Variants in PPM1H observed in about 807,000 individuals in gnomAD.
The protein encoded by PPM1H is protein phosphatase, Mg2+/Mn2+ dependent 1H, also known as protein phosphatase 1H.
In PPM1H, 27 loss-of-function variants were observed where a neutral mutation model predicts 54.9. That is an observed-to-expected ratio of 0.49 (90% CI 0.36 to 0.68). PPM1H has a LOEUF of 0.68. Among genes scored for constraint, PPM1H ranks in the 30% least tolerant of loss-of-function variants. PPM1H has a pLI of 0.00. For missense variants in PPM1H, 596 were observed against 667.8 expected (o/e 0.89, Z 1.19); for synonymous variants, 305 against 270.8 (o/e 1.13, Z -1.24).
chr12:62,764,113 T>C (rs2076527407), intron 4 of PPM1H, among the ~76,000 whole-genome samples: 1 of 152,132 alleles, frequency 6.6e-6, no homozygotes, highest in South Asian at 2.1e-4. Flanking sequence ...ATACTGAAAA[T>C]GTTGAACTCT....
chr12:62,791,328 G>C (rs2076700031), intron 3 of PPM1H, among the ~76,000 whole-genome samples: 1 of 152,126 alleles, frequency 6.6e-6, no homozygotes, highest in Non-Finnish European at 1.5e-5. Context: ...CAAGCAAATA[G>C]AAGAGAGGAG....
Position 62,844,377 on chromosome 12 carries a change from G to A in PPM1H, c.246-12098C>T, listed in dbSNP as rs145817107. 1.8e-4 allele frequency among the ~76,000 whole-genome samples: 28 copies of A among 152,098 alleles called. No individual in the cohort carries two copies. Among genetic ancestry groups the A allele is most frequent in the Middle Eastern group, 3.2e-3 (1 of 316 alleles). On this transcript the variant is annotated intron_variant, in intron 1 of 9. Transcript: ENST00000228705. This position sits in a 1 kb window ranked among gnomAD's most constrained non-coding sequence, Gnocchi z 5.2. ...AAATAATGTTCTGAGGGGCAAGGGG[G>A]GCGTCTTATCTCTGATGCTGCTTCT...
intron 2 of PPM1H, among the ~76,000 whole-genome samples, chr12:62,821,730 C>G (rs951201310): frequency 6.6e-6 from 1 of 152,166 alleles, no homozygotes; most frequent in African/African-American, 2.4e-5. Context: ...TTGTTACCAC[C>G]AGGCCTGCCT....
At chr12:62,795,762 C>T (rs535509695) in intron 3 of PPM1H, among the ~76,000 whole-genome samples, 7 of 151,684 alleles carry the variant, frequency 4.6e-5, no homozygotes, top group South Asian at 4.2e-4. Context: ...AGTCTCGCTC[C>T]GTTGCCCAGG....
chr12:62,757,317 G>A (rs1262448857), intron 4 of PPM1H, among the ~76,000 whole-genome samples: 1 of 152,052 alleles, frequency 6.6e-6, no homozygotes. Flanking sequence ...TGCCAAAAGT[G>A]GAAACTCAGC....
intron 9 of PPM1H, among the ~76,000 whole-genome samples, chr12:62,652,474 C>A (rs184787052): frequency 2.0e-4 from 31 of 152,248 alleles, no homozygotes; most frequent in Middle Eastern, 3.4e-3. Context: ...TTGTTTATTG[C>A]AAAAACTGGT....
intron 1 of PPM1H, among the ~76,000 whole-genome samples, chr12:62,918,891 T>A (rs1871705045): frequency 6.6e-6 from 1 of 152,216 alleles, no homozygotes. Context: ...ACACAAATTA[T>A]CAATCGAAGC....
intron 9 of PPM1H, among the ~76,000 whole-genome samples, chr12:62,663,428 C>A (rs923611629): frequency 6.6e-6 from 1 of 152,212 alleles, no homozygotes; most frequent in African/African-American, 2.4e-5. Flanking sequence ...TTCAGGTGAT[C>A]CTCCTGCTTC....
chr12:62,747,142 T>C (rs1370571809), intron 4 of PPM1H, among the ~76,000 whole-genome samples: 4 of 16,528 alleles, frequency 2.4e-4, no homozygotes, highest in African/African-American at 2.3e-3. Context: ...GTTTTTTTTC[T>C]TTTTTTTTTT....
At position 62,648,203 on chromosome 12, in the gene PPM1H, C is replaced by T. The variant is rs1416970289; in HGVS notation, c.*286G>A. On this transcript the variant is annotated 3_prime_UTR_variant, in exon 10 of 10. Coordinates refer to ENST00000228705, the MANE Select transcript of PPM1H (RefSeq NM_020700.2). Reference sequence around the variant, plus strand: ...AGATAAAATAAATATGACATATATACCCCAAATAGTCAATGGCCACCTCGG... The same window carrying T: ...AGATAAAATAAATATGACATATATATCCCAAATAGTCAATGGCCACCTCGG... The T allele has an allele frequency of 3.1e-6, 1 of 325,902 alleles. No individual in the cohort carries two copies. Among genetic ancestry groups the T allele is most frequent in the Non-Finnish European group, 5.9e-6 (1 of 170,478 alleles). 20.2% of individuals were successfully genotyped at this position (325,902 alleles called of 1,614,324 possible). A position where few individuals can be genotyped will look rare whatever the true frequency, so the allele number is the denominator to read the frequency against.
intron 5 of PPM1H, among the ~76,000 whole-genome samples, chr12:62,723,827 A>G (rs1022714847): frequency 1.3e-5 from 2 of 152,332 alleles, no homozygotes; most frequent in South Asian, 2.1e-4. Flanking sequence ...CACATTTCTT[A>G]ACAAACCCCA....
chr12:62,665,635 TA>T (rs2075913702), intron 9 of PPM1H, among the ~76,000 whole-genome samples: 2 of 152,242 alleles, frequency 1.3e-5, no homozygotes, highest in Non-Finnish European at 2.9e-5. Context: ...AGTGAATTTT[TA>T]ATTCCTATTT....
chr12:62,881,551 T>C (rs1391793773), intron 1 of PPM1H, among the ~76,000 whole-genome samples: 2 of 152,194 alleles, frequency 1.3e-5, no homozygotes, highest in East Asian at 3.9e-4. Context: ...GGATTCCAAA[T>C]TGCCTAGCCA....
In PPM1H at chr12:62,802,017, G is replaced by A. The variant is rs370968549; in HGVS notation, c.555C>T (p.Ala185=). The A allele has an allele frequency of 2.5e-5, 40 of 1,613,370 alleles. No homozygotes were observed. The South Asian group carries it at 3.6e-4, about 15-fold the overall frequency. ...CCCCCAGGCAGGTAGGGGGCAGGACGGCGGAGTTCTTCAGGATGTCCACGA... is the reference window on the plus strand; with the variant it reads ...CCCCCAGGCAGGTAGGGGGCAGGACAGCGGAGTTCTTCAGGATGTCCACGA... The part of the protein sequence containing the change: ...QDIVDILKNS[A]VLPPTCLGEE... The change falls in exon 3 of 10, where the codon GCC becomes GCT. Residue 185 remains alanine, a synonymous_variant. Coordinates refer to ENST00000228705, the MANE Select transcript of PPM1H (RefSeq NM_020700.2).
intron 4 of PPM1H, among the ~76,000 whole-genome samples, chr12:62,778,859 A>G (rs1351431390): frequency 1.3e-5 from 2 of 152,012 alleles, no homozygotes; most frequent in Non-Finnish European, 2.9e-5. Flanking sequence ...TGAGCCAAGG[A>G]GTTTGAGGCT....
At chr12:62,792,465 T>C (rs1201693664) in intron 3 of PPM1H, among the ~76,000 whole-genome samples, 1 of 152,254 alleles carries the variant, frequency 6.6e-6, no homozygotes, top group East Asian at 1.9e-4. Context: ...CAAGAAACTT[T>C]GCTAACATGT....
chr12:62,716,667 T>C (rs111359141), intron 6 of PPM1H, among the ~76,000 whole-genome samples: 2 of 152,144 alleles, frequency 1.3e-5, no homozygotes, highest in African/African-American at 2.4e-5. Flanking sequence ...GCTGAGACCA[T>C]AGGCATATGC....
At chr12:62,708,979 G>A (rs978474586) in intron 6 of PPM1H, among the ~76,000 whole-genome samples, 1 of 151,942 alleles carries the variant, frequency 6.6e-6, no homozygotes, top group African/African-American at 2.4e-5. Flanking sequence ...CTTAAGGTGT[G>A]GAGCTCTTAA....
intron 1 of PPM1H, among the ~76,000 whole-genome samples, chr12:62,848,357 G>A (rs1869052370): frequency 6.6e-6 from 1 of 152,164 alleles, no homozygotes; most frequent in Admixed American, 6.5e-5. Context: ...ATCACCGTTA[G>A]ATTCAGGCTT....
Sources: allele counts gnomAD v4.1 joint callset (sites outside exome capture counted in the v4.1 genomes callset), GRCh38; gene constraint gnomAD v4.1.1; non-coding constraint Gnocchi (gnomAD v3.1); transcripts MANE v1.5; gene names NCBI Gene and HGNC (gene_info 2026-07-23, HGNC 2026-07-21).